The following LAMA1 variants were observed in gnomAD, a reference collection of about 807,000 sequenced individuals.
LAMA1 encodes the protein laminin subunit alpha 1, also known as laminin subunit alpha-1.
Under a neutral mutation model 348.7 loss-of-function variants are expected in LAMA1, and 219 were observed. The observed-to-expected ratio is 0.63, with a 90% confidence interval of 0.56 to 0.70. The LOEUF is 0.70. Among genes scored for constraint, LAMA1 ranks in the 30% least tolerant of loss-of-function variants. The pLI, the probability that LAMA1 is intolerant of heterozygous loss-of-function variation, is 0.00. For missense variants in LAMA1, 3,744 were observed against 3,888.0 expected (o/e 0.96, Z 0.99); for synonymous variants, 1,487 against 1,491.0 (o/e 1.00, Z 0.06).
chr18:6,962,050 G>A lies in LAMA1; in HGVS notation c.7347C>T (p.Val2449=), dbSNP rs746942236. 1 of 1,612,004 alleles carries A rather than the reference G, an allele frequency of 6.2e-7. No homozygotes were observed. The highest frequency in any genetic ancestry group is 8.5e-7 in the Non-Finnish European group (1 of 1,178,082). ...TGCAGCCCACAAAGCTTTTGGTGGTGACACCTCTCCTGTAGGGAAGGGCAT... is the reference window on the plus strand; with the variant it reads ...TGCAGCCCACAAAGCTTTTGGTGGTAACACCTCTCCTGTAGGGAAGGGCAT... ...LPRSRVVRRG[V]TTKSFVGCIK... Residue 2449 remains valine (V), a synonymous_variant, in exon 52 of 63, where the codon GTC becomes GTT. Transcript: ENST00000389658.
chr18:7,037,850 G>T, intron 11 of LAMA1, 99 bp from the exon 12 acceptor site: 1 of 1,248,806 alleles, frequency 8.0e-7, no homozygotes, highest in South Asian at 1.3e-5. Flanking sequence ...AAATGGGCCA[G>T]AAAGCTTCTC....
At chr18:7,107,582 G>A (rs56316184) in intron 1 of LAMA1, among the ~76,000 whole-genome samples, 3,190 of 152,230 alleles carry the variant, frequency 0.021, 99 homozygotes, top group African/African-American at 0.071. Flanking sequence ...GCCTGGAGGA[G>A]TGGAGGTCCC....
At chr18:6,978,132 C>T in intron 43 of LAMA1, 64 bp downstream of exon 43, 1 of 1,596,970 alleles carries the variant, frequency 6.3e-7, no homozygotes, top group Non-Finnish European at 8.6e-7. Flanking sequence ...CCACTGTGTG[C>T]TTAGCTAGCT....
At chr18:7,062,952 T>C (rs2058108456) in intron 3 of LAMA1, among the ~76,000 whole-genome samples, 1 of 152,168 alleles carries the variant, frequency 6.6e-6, no homozygotes, top group South Asian at 2.1e-4. Context: ...CACACGAGCA[T>C]CACACTCAGT....
intron 3 of LAMA1, among the ~76,000 whole-genome samples, chr18:7,064,866 T>C (rs555774671): frequency 2.2e-4 from 33 of 152,190 alleles, no homozygotes; most frequent in Non-Finnish European, 4.0e-4. Flanking sequence ...GATCGTCTTG[T>C]AAATACTACG....
In LAMA1 at chr18:7,063,159, T is replaced by C. The variant is rs1484306616; in HGVS notation, c.346-12223A>G. Among the ~76,000 whole-genome samples the C allele has an allele frequency of 2.0e-5, 3 of 152,332 alleles. No individual in the cohort carries two copies. The East Asian group carries it at 5.8e-4, about 29-fold the overall frequency. On this transcript the variant is annotated intron_variant, in intron 3 of 62. Transcript: ENST00000389658. ...AATCTAGCTGAATCGTTGATAGTTT[T>C]AGCACTAGAGAGATGAGAAAGTATT... is the stretch of plus-strand genomic sequence containing the variant.
At chr18:7,051,941 T>C (rs2058063676) in intron 3 of LAMA1, among the ~76,000 whole-genome samples, 1 of 152,212 alleles carries the variant, frequency 6.6e-6, no homozygotes, top group South Asian at 2.1e-4. Context: ...ATCATGCTCC[T>C]GGGAATTCAA....
intron 16 of LAMA1, among the ~76,000 whole-genome samples, chr18:7,030,503 T>A (rs1427707231): frequency 1.3e-5 from 2 of 152,168 alleles, no homozygotes; most frequent in Admixed American, 1.3e-4. Flanking sequence ...GTTCATCTTA[T>A]CGTGCTACTT....
chr18:6,993,684 T>C lies in LAMA1; in HGVS notation c.4965A>G (p.Gln1655=), dbSNP rs1196722794. The change falls in exon 35 of 63, where the codon CAA becomes CAG. Residue 1655 remains glutamine, a synonymous_variant. Transcript: ENST00000389658. ...RATERIFKES[Q]DLAIAIERLQ... ...GCCTCTCAATGGCTATGGCCAGGTC[T>C]TGACTCTCCTTGAAGATTCTCTCAG... 1 of 1,614,148 alleles carries C rather than the reference T, an allele frequency of 6.2e-7. No homozygotes were observed. Among genetic ancestry groups the C allele is most frequent in the Non-Finnish European group, 8.5e-7 (1 of 1,179,984 alleles).
At chr18:7,043,126 A>T in intron 8 of LAMA1, 101 bp downstream of exon 8, 2 of 1,110,952 alleles carry the variant, frequency 1.8e-6, no homozygotes, top group Admixed American at 3.5e-5. Context: ...TATAAATGAA[A>T]TATTACAAAA....
intron 1 of LAMA1, among the ~76,000 whole-genome samples, chr18:7,094,865 T>G (rs1177915805): frequency 6.6e-6 from 1 of 152,158 alleles, no homozygotes; most frequent in African/African-American, 2.4e-5. Context: ...GAATAAAATA[T>G]TTAGGAAAAA....
intron 36 of LAMA1, among the ~76,000 whole-genome samples, chr18:6,987,938 T>C (rs538031289): frequency 1.3e-5 from 2 of 152,170 alleles, no homozygotes; most frequent in Non-Finnish European, 2.9e-5. Flanking sequence ...TTAAATAAGA[T>C]ATCTCTCTAA....
intron 48 of LAMA1, among the ~76,000 whole-genome samples, chr18:6,968,567 A>G (rs773805878): frequency 9.2e-5 from 14 of 152,364 alleles, no homozygotes; most frequent in Non-Finnish European, 2.1e-4. Context: ...GTCAAAGGCC[A>G]GCCACGTAGC....
chr18:7,083,829 G>A (rs111582390), intron 1 of LAMA1, among the ~76,000 whole-genome samples: 203 of 152,134 alleles, frequency 1.3e-3, no homozygotes, highest in African/African-American at 4.3e-3. Flanking sequence ...CCAGCACTTC[G>A]GGAGGCCGAG....
chr18:7,037,688 G>A lies in LAMA1; in HGVS notation c.1627C>T (p.Gln543Ter). ...TGATGGCGCCCGCCTAGTGCATCTTGCTGAGACGGGATCTTCCTGGGACTG... is the reference window on the plus strand; with the variant it reads ...TGATGGCGCCCGCCTAGTGCATCTTACTGAGACGGGATCTTCCTGGGACTG... ...LISPRKIPSQ[Q>*]DALGGRHQVS... is the part of the protein sequence containing the mutation. Residue 543 changes from glutamine (Q) to a stop codon, truncating the protein, a stop_gained, in exon 12 of 63, where the codon CAA (glutamine) becomes TAA (stop). Coordinates refer to ENST00000389658, the MANE Select transcript of LAMA1 (RefSeq NM_005559.4). LOFTEE classifies it high-confidence loss of function. 1 of 1,614,204 alleles carries A rather than the reference G, an allele frequency of 6.2e-7. No individual in the cohort carries two copies. The highest frequency in any genetic ancestry group is 1.1e-5 in the South Asian group (1 of 91,086).
chr18:7,049,403 A>ATG, intron 4 of LAMA1, 146 bp from the exon 5 acceptor site: 3 of 698,318 alleles, frequency 4.3e-6, no homozygotes, highest in South Asian at 1.6e-5. Context: ...AGGTTCAAGC[A>ATG]ATTCTCCTGC....
At chr18:7,009,954 G>A (rs2057852014) in intron 26 of LAMA1, among the ~76,000 whole-genome samples, 1 of 152,042 alleles carries the variant, frequency 6.6e-6, no homozygotes, top group East Asian at 1.9e-4. Flanking sequence ...CTACAGGTGT[G>A]TGCCACCATG....
intron 51 of LAMA1, chr18:6,963,787 A>G (rs1487717106): frequency 1.3e-5 from 2 of 152,210 alleles, no homozygotes; most frequent in Admixed American, 6.5e-5. Context: ...TTAGAGTTTA[A>G]TTACAACCAA....
In LAMA1 at chr18:7,036,053, C is replaced by T; in HGVS notation, c.1773G>A (p.Val591=). 2 of 1,614,140 alleles carry T rather than the reference C, an allele frequency of 1.2e-6. No homozygotes were observed. Among genetic ancestry groups the T allele is most frequent in the Non-Finnish European group, 1.7e-6 (2 of 1,179,986 alleles). The stretch of plus-strand genomic sequence containing the variant: ...CCGTCTCTACCGGAATATCGTAGGA[C>T]ACCGTGTATTTCAGGAATCCGCCAA... The part of the protein sequence containing the change: ...TAFGGFLKYT[V]SYDIPVETVD... The change falls in exon 13 of 63, where the codon GTG becomes GTA. Residue 591 remains valine (V), a synonymous_variant. Coordinates refer to ENST00000389658, the MANE Select transcript of LAMA1 (RefSeq NM_005559.4).
Sources: gnomAD v4.1 joint callset for allele counts (sites outside exome capture counted in the v4.1 genomes callset) on GRCh38, gnomAD v4.1.1 for gene constraint, MANE v1.5 for transcripts, NCBI Gene and HGNC (gene_info 2026-07-23, HGNC 2026-07-21) for gene names.